DCLRE1A: variants seen among roughly 807,000 people sequenced by gnomAD.
DCLRE1A encodes DNA cross-link repair 1A, also known as DNA cross-link repair 1A protein.
A neutral mutation model predicts 91.9 loss-of-function variants in DCLRE1A; 64 were observed. The ratio of observed to expected loss-of-function variants is 0.70; its 90% CI spans 0.57 to 0.86. The LOEUF (loss-of-function observed/expected upper bound fraction) is 0.86. DCLRE1A is among the 40% of genes least tolerant of loss of function. The pLI is 0.00. For synonymous variants in DCLRE1A, 416 were observed against 431.1 expected, an observed-to-expected ratio of 0.96 and a Z score of 0.43; for missense variants, 1,145 against 1,213.3, an observed-to-expected ratio of 0.94 and a Z score of 0.84.
chr10:113,844,366 T>A, intron 4 of DCLRE1A, 122 bp from the exon 5 acceptor site: 1 of 1,248,334 alleles, frequency 8.0e-7, no homozygotes, highest in Non-Finnish European at 1.1e-6. Flanking sequence ...AGCATTGCAC[T>A]ACAGGAAATG....
intron 7 of DCLRE1A, among the ~76,000 whole-genome samples, chr10:113,839,064 G>C (rs997959535): frequency 2.0e-5 from 3 of 152,078 alleles, no homozygotes; most frequent in African/African-American, 7.2e-5. Context: ...GGTGGCTCAC[G>C]CATGTATTCC....
chr10:113,852,522 T>C (rs1374882301), intron 1 of DCLRE1A, among the ~76,000 whole-genome samples: 1 of 152,242 alleles, frequency 6.6e-6, no homozygotes, highest in East Asian at 1.9e-4. Flanking sequence ...GGAACTTTTA[T>C]GAAATAACAC....
Position 113,853,133 on chromosome 10 carries a change from CT to C in DCLRE1A, c.49del (p.Arg17GlufsTer16). ...ATTTGGATCAACTCGTTTTGGTTTT[CT>C]TTTAGATTTGTATTCCCAAATGTCT... is the stretch of plus-strand genomic sequence containing the variant. ...EEDIWEYKSK[R>X]KPKRVDPNNG... On this transcript the variant is annotated frameshift_variant, in exon 1 of 9. Coordinates refer to ENST00000361384, the MANE Select transcript of DCLRE1A (RefSeq NM_014881.5). LOFTEE classifies it high-confidence loss of function. The C allele has an allele frequency of 6.3e-7, 1 of 1,591,236 alleles. No individual in the cohort carries two copies. The highest frequency in any genetic ancestry group is 1.2e-5 in the South Asian group (1 of 86,006).
In DCLRE1A at chr10:113,847,096, T is replaced by C. The variant is rs1008722774; in HGVS notation, c.2259+106A>G. The C allele has an allele frequency of 6.3e-6, 7 of 1,112,580 alleles. No homozygotes were observed. In the Admixed American group the frequency reaches 1.3e-4, roughly 21 times the overall value. 68.9% of individuals were successfully genotyped at this position (1,112,580 alleles called of 1,614,324 possible). Reference sequence around the variant, plus strand: ...GTGGAATATGTTTTCTCATTTTTTTTCTAGTAGAATGAAAGATCTTACTGG... The same window carrying C: ...GTGGAATATGTTTTCTCATTTTTTTCCTAGTAGAATGAAAGATCTTACTGG... On this transcript the variant is annotated intron_variant, in intron 3 of 8. Transcript: ENST00000361384.
chr10:113,846,454 T>C (rs1417732122), intron 3 of DCLRE1A, among the ~76,000 whole-genome samples: 1 of 152,170 alleles, frequency 6.6e-6, no homozygotes, highest in Non-Finnish European at 1.5e-5. Context: ...CAAAACTGTG[T>C]CTAACCTTAG....
At chr10:113,846,634 G>C (rs1480540918) in intron 3 of DCLRE1A, among the ~76,000 whole-genome samples, 1 of 152,000 alleles carries the variant, frequency 6.6e-6, no homozygotes, top group East Asian at 1.9e-4. Flanking sequence ...CTGGTTCCAG[G>C]ACCCCCTGAG....
intron 1 of DCLRE1A, among the ~76,000 whole-genome samples, chr10:113,851,611 C>T (rs985301046): frequency 6.6e-5 from 10 of 152,022 alleles, no homozygotes; most frequent in Admixed American, 5.2e-4. Flanking sequence ...TCATTTGACA[C>T]GTTTTTTGTT....
At chr10:113,848,834 G>C in intron 2 of DCLRE1A, 146 bp downstream of exon 2, 1 of 768,812 alleles carries the variant, frequency 1.3e-6, no homozygotes, top group Non-Finnish European at 2.1e-6. Flanking sequence ...CCATATCTAC[G>C]TTAGAGGCTC....
chr10:113,847,191 C>T lies in DCLRE1A; in HGVS notation c.2259+11G>A, dbSNP rs370440872. 6.3e-7 allele frequency: 1 copy of T among 1,588,160 alleles called. No individual in the cohort carries two copies. The highest frequency in any genetic ancestry group is 1.3e-5 in the African/African-American group (1 of 74,522). On this transcript the variant is annotated intron_variant, in intron 3 of 8. Coordinates refer to ENST00000361384, the MANE Select transcript of DCLRE1A (RefSeq NM_014881.5). ...TTCTACAAAGTCAAAAGTTAGAATA[C>T]TAAAACTTACCTCACTACAATAAAC... is the stretch of plus-strand genomic sequence containing the variant.
chr10:113,850,630 G>T lies in DCLRE1A; in HGVS notation c.475C>A (p.Leu159Ile). Residue 159 changes from leucine to isoleucine, a missense_variant, in exon 2 of 9, where the codon CTT (leucine) becomes ATT (isoleucine). Leu to Ile is a conservative substitution (Grantham distance 5). Coordinates refer to ENST00000361384, the MANE Select transcript of DCLRE1A (RefSeq NM_014881.5). Reference sequence around the variant, plus strand: ...AAAGGAATGGTTGAGGTACACAGAAGACCATCAGGACACTCTGAAATTTTA... The same window carrying T: ...AAAGGAATGGTTGAGGTACACAGAATACCATCAGGACACTCTGAAATTTTA... The part of the protein sequence containing the change: ...PRSETECPDG[L>I]LCTSTIPFHY... 6.3e-7 allele frequency: 1 copy of T among 1,584,818 alleles called. No individual in the cohort carries two copies. Among genetic ancestry groups the T allele is most frequent in the Non-Finnish European group, 8.6e-7 (1 of 1,165,164 alleles).
chr10:113,842,302 T>C (rs190344355), intron 6 of DCLRE1A, 41 bp downstream of exon 6: 1 of 1,519,402 alleles, frequency 6.6e-7, no homozygotes, highest in South Asian at 1.3e-5. Context: ...AATCTGATCT[T>C]TATAATATAT....
intron 4 of DCLRE1A, 29 bp downstream of exon 4, chr10:113,845,656 T>A: frequency 6.5e-7 from 1 of 1,527,372 alleles, no homozygotes; most frequent in East Asian, 2.3e-5. Context: ...ATTTAAAAAA[T>A]GTGCTATTAA....
chr10:113,849,383 C>G lies in DCLRE1A; in HGVS notation c.1722G>C (p.Leu574Phe), dbSNP rs1201725498. The G allele has an allele frequency of 3.7e-6, 6 of 1,613,846 alleles. No individual in the cohort carries two copies. The South Asian group carries it at 6.6e-5, about 18-fold the overall frequency. ...GLPPKRKEEK[L>F]LGESALEGIN... ...TCCCTTCTAATGCACTTTCCCCTAG[C>G]AATTTCTCTTCCTTTCTTTTGGGAG... The change falls in exon 2 of 9, where the codon TTG becomes TTC. Residue 574 changes from leucine to phenylalanine, a missense_variant. By Grantham distance (22) the Leu-to-Phe change is conservative (BLOSUM62 0). Transcript: ENST00000361384.
intron 2 of DCLRE1A, among the ~76,000 whole-genome samples, chr10:113,847,563 C>A (rs1845559671): frequency 1.4e-5 from 1 of 73,074 alleles, no homozygotes; most frequent in South Asian, 4.6e-4. Flanking sequence ...AATAATTGCA[C>A]CAAAAAAAAT....
At chr10:113,851,932 G>T (rs1380332554) in intron 1 of DCLRE1A, among the ~76,000 whole-genome samples, 1 of 152,046 alleles carries the variant, frequency 6.6e-6, no homozygotes, top group African/African-American at 2.4e-5. Flanking sequence ...GGCTGGTCTT[G>T]AATTCCTAGG....
Position 113,837,045 on chromosome 10 carries a change from A to G in DCLRE1A, c.2962+17T>C. The G allele has an allele frequency of 6.4e-7, 1 of 1,565,832 alleles. No homozygotes were observed. On this transcript the variant is annotated intron_variant, in intron 8 of 8. Coordinates refer to ENST00000361384, the MANE Select transcript of DCLRE1A (RefSeq NM_014881.5). Reference sequence around the variant, plus strand: ...AACATTATAAACACTAAAAGTGAGAAAATTTAATAACTATACCATATATTG... The same window carrying G: ...AACATTATAAACACTAAAAGTGAGAGAATTTAATAACTATACCATATATTG...
chr10:113,842,239 G>A (rs1845456080), intron 6 of DCLRE1A, 104 bp downstream of exon 6: 4 of 997,790 alleles, frequency 4.0e-6, no homozygotes, highest in Non-Finnish European at 5.6e-6. Context: ...AATCATTACA[G>A]GAAATAATTA....
At chr10:113,841,655 A>C (rs796709362) in intron 6 of DCLRE1A, 95 bp from the exon 7 acceptor site, 1 of 1,307,336 alleles carries the variant, frequency 7.6e-7, no homozygotes, top group East Asian at 2.4e-5. Flanking sequence ...TTTACCAAAT[A>C]AAAGGAAATT....
intron 7 of DCLRE1A, among the ~76,000 whole-genome samples, chr10:113,838,656 C>T (rs911185393): frequency 3.9e-5 from 6 of 152,150 alleles, no homozygotes; most frequent in Non-Finnish European, 2.9e-5. Context: ...TGTCTCTCTC[C>T]GTTTATTGGT....
Sources: gnomAD v4.1 joint callset for allele counts (sites outside exome capture counted in the v4.1 genomes callset) on GRCh38, gnomAD v4.1.1 for gene constraint, MANE v1.5 for transcripts, NCBI Gene and HGNC (gene_info 2026-07-23, HGNC 2026-07-21) for gene names.